DNAH10: variants seen among roughly 807,000 people sequenced by gnomAD.
DNAH10 encodes the protein dynein axonemal heavy chain 10.
In DNAH10, 348 loss-of-function variants were observed where a neutral mutation model predicts 506.6. The observed-to-expected ratio is 0.69, with a 90% CI of 0.63 to 0.75. The LOEUF (loss-of-function observed/expected upper bound fraction) is 0.75, where lower values mean the gene tolerates loss of function less well. Among genes scored for constraint, DNAH10 ranks in the 30% least tolerant of loss-of-function variants. DNAH10 has a pLI of 0.00. For missense variants in DNAH10, 5,179 were observed against 5,787.1 expected (o/e 0.89, Z 3.41); for synonymous variants, 2,059 against 2,198.6 (o/e 0.94, Z 1.78).
intron 18 of DNAH10, among the ~76,000 whole-genome samples, chr12:123,807,654 C>T (rs1384487838): frequency 6.6e-6 from 1 of 151,216 alleles, no homozygotes; most frequent in Non-Finnish European, 1.5e-5. Context: ...TCACAGGGAG[C>T]CTGGGAAGCC....
intron 54 of DNAH10, among the ~76,000 whole-genome samples, chr12:123,896,685 A>G (rs1374161240): frequency 6.7e-6 from 1 of 149,520 alleles, no homozygotes; most frequent in African/African-American, 2.5e-5. Flanking sequence ...ACAGTAGGGA[A>G]GGAATTAGGT....
rs950732570 is a variant in DNAH10 at position 123,909,581 on chromosome 12, C to G, written c.9997+139C>G. On this transcript the variant is annotated intron_variant, in intron 58 of 78. Coordinates refer to ENST00000673944, the MANE Select transcript of DNAH10 (RefSeq NM_001372106.1). The surrounding 1 kb of genome is among the most constrained non-coding windows in gnomAD (Gnocchi z 5.4). ...GTCAGATGGTATCGGATGGAACAGG[C>G]AACTGATGGTCACCAGAGGAAAACA... 7.1e-5 allele frequency: 80 copies of G among 1,131,274 alleles called. No individual in the cohort carries two copies. The highest frequency in any genetic ancestry group is 9.0e-5 in the Non-Finnish European group (74 of 824,598). 70.1% of individuals were successfully genotyped at this position (1,131,274 alleles called of 1,614,324 possible).
At position 123,794,050 on chromosome 12, in the gene DNAH10, G is replaced by A. The variant is rs746991508; in HGVS notation, c.1924G>A (p.Glu642Lys). The A allele has an allele frequency of 1.6e-6, 2 of 1,286,108 alleles. No individual in the cohort carries two copies. Among genetic ancestry groups the A allele is most frequent in the South Asian group, 2.5e-5 (2 of 80,146 alleles). 79.7% of individuals were successfully genotyped at this position (1,286,108 alleles called of 1,614,324 possible). Residue 642 changes from glutamate to lysine, a missense_variant, in exon 12 of 79, where the codon GAG becomes AAG. Around this residue, in one of 3 missense-constraint regions of DNAH10, gnomAD observed 4,844 missense variants for 5,430.5 expected, o/e 0.89. Transcript: ENST00000673944. ...LLKFKHIRSREAVNRQMMMKF... is the reference protein window; with the variant it reads ...LLKFKHIRSRKAVNRQMMMKF... Reference sequence around the variant, plus strand: ...AAAATTTAAGCACATTCGTTCACGGGAGGCTGTTAATCGACAAATGATGAT... The same window carrying A: ...AAAATTTAAGCACATTCGTTCACGGAAGGCTGTTAATCGACAAATGATGAT...
rs570141828 is a variant in DNAH10 at position 123,916,906 on chromosome 12, T to A, written c.11002+170T>A. Among the ~76,000 whole-genome samples the A allele has an allele frequency of 6.6e-6, 1 of 152,330 alleles. No individual in the cohort carries two copies. The highest frequency in any genetic ancestry group is 6.5e-5 in the Admixed American group (1 of 15,304). On this transcript the variant is annotated intron_variant, in intron 63 of 78. Transcript: ENST00000673944. This position sits in a 1 kb window ranked among gnomAD's most constrained non-coding sequence, Gnocchi z 4.6. Reference sequence around the variant, plus strand: ...CCAATTAGGTACCACTTAGAAGGTGTGAGGCCATGAGTCACCTGTCATGAG... The same window carrying A: ...CCAATTAGGTACCACTTAGAAGGTGAGAGGCCATGAGTCACCTGTCATGAG...
Position 123,762,805 on chromosome 12 carries a change from G to A in DNAH10, c.214+255G>A, listed in dbSNP as rs1442410226. On this transcript the variant is annotated intron_variant, in intron 1 of 78. Transcript: ENST00000673944. This position sits in a 1 kb window ranked among gnomAD's most constrained non-coding sequence, Gnocchi z 5.0. The stretch of plus-strand genomic sequence containing the variant: ...ATCACAGCAAACACTGACTTAGCCC[G>A]CACCCCGTGCCAGGTGCGGTTCCAA... 6.6e-6 allele frequency among the ~76,000 whole-genome samples: 1 copy of A among 152,216 alleles called. No homozygotes were observed. Among genetic ancestry groups the A allele is most frequent in the Non-Finnish European group, 1.5e-5 (1 of 68,030 alleles).
chr12:123,887,351 C>A (rs146357887), intron 52 of DNAH10, 38 bp downstream of exon 52: 2 of 1,597,198 alleles, frequency 1.3e-6, no homozygotes, highest in African/African-American at 1.3e-5. Flanking sequence ...GCCAACACCC[C>A]GCTCAGCTCT....
rs910314516 is a variant in DNAH10 at position 123,787,291 on chromosome 12, T to C, written c.1422-513T>C. On this transcript the variant is annotated intron_variant, in intron 9 of 78. Coordinates refer to ENST00000673944, the MANE Select transcript of DNAH10 (RefSeq NM_001372106.1). The surrounding 1 kb of genome is among the most constrained non-coding windows in gnomAD (Gnocchi z 4.6). Reference sequence around the variant, plus strand: ...GTCTATCTATGTATATGTATTTATATAGATAGCATATAAATGGAATCAGAC... The same window carrying C: ...GTCTATCTATGTATATGTATTTATACAGATAGCATATAAATGGAATCAGAC... Among the ~76,000 whole-genome samples the C allele has an allele frequency of 2.6e-5, 4 of 152,236 alleles. No individual in the cohort carries two copies. In the East Asian group the frequency reaches 5.8e-4, roughly 22 times the overall value.
chr12:123,861,861 C>T (rs1566009623), intron 39 of DNAH10, among the ~76,000 whole-genome samples: 4 of 152,314 alleles, frequency 2.6e-5, no homozygotes, highest in Admixed American at 1.3e-4. Flanking sequence ...AGCTTCTTAG[C>T]GCTTTTCCCC....
In DNAH10 at chr12:123,813,484, C is replaced by T. The variant is rs1029883023; in HGVS notation, c.3465C>T (p.Arg1155=). 6.2e-7 allele frequency: 1 copy of T among 1,614,144 alleles called. No individual in the cohort carries two copies. Among genetic ancestry groups the T allele is most frequent in the East Asian group, 2.2e-5 (1 of 44,880 alleles). The stretch of plus-strand genomic sequence containing the variant: ...CCAAGATAGCTTATGAGGTTATGCG[C>T]CACCCTCTAATTAAGGATGAGCATT... The part of the protein sequence containing the change: ...FYSKIAYEVM[R]HPLIKDEHCI... Residue 1155 remains arginine, a synonymous_variant, in exon 20 of 79, where the codon CGC becomes CGT. Transcript: ENST00000673944.
At chr12:123,803,870 C>T in intron 17 of DNAH10, 45 bp downstream of exon 17, 2 of 1,567,198 alleles carry the variant, frequency 1.3e-6, no homozygotes, top group Non-Finnish European at 1.7e-6. Context: ...TTAATGAGAA[C>T]ATATATTGTA....
chr12:123,786,076 G>A, intron 9 of DNAH10, 140 bp downstream of exon 9: 1 of 999,742 alleles, frequency 1.0e-6, no homozygotes, highest in Non-Finnish European at 1.4e-6. Flanking sequence ...TTATGGCTGG[G>A]CACAGTGGTG....
chr12:123,928,033 G>C lies in DNAH10; in HGVS notation c.12106-354G>C. On this transcript the variant is annotated intron_variant, in intron 69 of 78. Coordinates refer to ENST00000673944, the MANE Select transcript of DNAH10 (RefSeq NM_001372106.1). The surrounding 1 kb of genome is among the most constrained non-coding windows in gnomAD (Gnocchi z 4.9). Reference sequence around the variant, plus strand: ...ATCTTACAGTGGCCAGGACAGTCCCGACTTCCTGGTGGGCTTTAGCTGGTC... The same window carrying C: ...ATCTTACAGTGGCCAGGACAGTCCCCACTTCCTGGTGGGCTTTAGCTGGTC... The C allele has an allele frequency of 5.6e-6, 2 of 356,052 alleles. No homozygotes were observed. Among genetic ancestry groups the C allele is most frequent in the East Asian group, 1.1e-4 (2 of 18,164 alleles). The allele number at this position is 356,052 out of a possible 1,614,324, so 22.1% of individuals were successfully genotyped here. A position where few individuals can be genotyped will look rare whatever the true frequency, so the allele number is the denominator to read the frequency against.
In DNAH10 at chr12:123,833,156, A is replaced by C. The variant is rs1014576089; in HGVS notation, c.4588A>C (p.Thr1530Pro). The C allele has an allele frequency of 1.2e-6, 2 of 1,613,606 alleles. No homozygotes were observed. The highest frequency in any genetic ancestry group is 1.3e-5 in the African/African-American group (1 of 75,024). ...ILDTWENMKF[T>P]VVKYCKGTQE... The stretch of plus-strand genomic sequence containing the variant: ...AGACACGTGGGAAAATATGAAATTC[A>C]CTGTAGTCAAGTATTGCAAAGGCAC... Residue 1530 changes from threonine (T) to proline (P), a missense_variant, in exon 27 of 79, where the codon ACT (threonine) becomes CCT (proline). Thr to Pro is a conservative substitution (Grantham distance 38, BLOSUM62 -1). Coordinates refer to ENST00000673944, the MANE Select transcript of DNAH10 (RefSeq NM_001372106.1).
At chr12:123,852,049 G>GCGCCCGCCACCGCGCCCGGCTAAT (rs1339395415) in intron 35 of DNAH10, among the ~76,000 whole-genome samples, 1 of 152,084 alleles carries the variant, frequency 6.6e-6, no homozygotes, top group African/African-American at 2.4e-5. Flanking sequence ...GGGACTACAG[G>GCGCCCGCCACCGCGCCCGGCTAAT]TTGTGCCACT....
At position 123,916,796 on chromosome 12, in the gene DNAH10, C is replaced by T; in HGVS notation, c.11002+60C>T. ...ATGGTTATGAGGGAGACCGCAACCT[C>T]AGATCAAGGCATTCATGGGACATCA... On this transcript the variant is annotated intron_variant, in intron 63 of 78. Transcript: ENST00000673944. The surrounding 1 kb of genome is among the most constrained non-coding windows in gnomAD (Gnocchi z 4.6). The T allele has an allele frequency of 1.3e-6, 2 of 1,528,296 alleles. No individual in the cohort carries two copies. Among genetic ancestry groups the T allele is most frequent in the South Asian group, 2.6e-5 (2 of 77,846 alleles). The allele number at this position is 1,528,296 out of a possible 1,614,324, so 94.7% of individuals were successfully genotyped here. A position where few individuals can be genotyped will look rare whatever the true frequency, so the allele number is the denominator to read the frequency against.
chr12:123,841,251 A>G (rs1950763832), intron 29 of DNAH10, 71 bp from the exon 30 acceptor site: 1 of 1,516,022 alleles, frequency 6.6e-7, no homozygotes, highest in Non-Finnish European at 9.2e-7. Flanking sequence ...TGCTGGATGG[A>G]GCACCGCTGG....
Position 123,781,117 on chromosome 12 carries a change from C to T in DNAH10, c.659C>T (p.Thr220Met), listed in dbSNP as rs766163811. 33 of 1,613,824 alleles carry T rather than the reference C, an allele frequency of 2.0e-5. No homozygotes were observed. The Middle Eastern group carries it at 6.6e-4, about 32-fold the overall frequency. The change falls in exon 6 of 79, where the codon ACG (threonine) becomes ATG (methionine). Residue 220 changes from threonine (T) to methionine (M), a missense_variant. Coordinates refer to ENST00000673944, the MANE Select transcript of DNAH10 (RefSeq NM_001372106.1). ...LPALSFNQHRTSTTVGVTSGE... is the reference protein window; with the variant it reads ...LPALSFNQHRMSTTVGVTSGE... ...GCATTGTCCTTCAATCAGCACAGGA[C>T]GAGTACAACCGTGGGAGTCACATCT...
intron 36 of DNAH10, among the ~76,000 whole-genome samples, chr12:123,854,233 A>G (rs1951302492): frequency 6.6e-6 from 1 of 152,046 alleles, no homozygotes; most frequent in South Asian, 2.1e-4. Context: ...AACTTCTTTC[A>G]TTTTCTCCCC....
intron 24 of DNAH10, among the ~76,000 whole-genome samples, chr12:123,825,557 T>A (rs757817496): frequency 1.3e-5 from 2 of 152,188 alleles, no homozygotes; most frequent in African/African-American, 2.4e-5. Context: ...GAATGCATAT[T>A]GTATTATTCC....
Sources: gnomAD v4.1 joint callset for allele counts (sites outside exome capture counted in the v4.1 genomes callset) on GRCh38, gnomAD v4.1.1 for gene constraint, gnomAD v4.1.1 regional missense constraint, Gnocchi (gnomAD v3.1) non-coding constraint, MANE v1.5 for transcripts, NCBI Gene and HGNC (gene_info 2026-07-23, HGNC 2026-07-21) for gene names.